PDE11A: variants seen among roughly 807,000 people sequenced by gnomAD.
PDE11A encodes phosphodiesterase 11A.
PDE11A carries 100 observed loss-of-function variants against 100.5 expected under a neutral mutation model. The ratio of observed to expected loss-of-function variants is 1.00; its 90% CI spans 0.85 to 1.18. PDE11A has a LOEUF of 1.18. Ranked by LOEUF, PDE11A falls within the 50% of genes most tolerant of loss-of-function variation. The pLI, the probability that PDE11A is intolerant of heterozygous loss-of-function variation, is 0.00. For synonymous variants in PDE11A, 381 were observed against 420.8 expected (o/e 0.91, Z 1.16); for missense variants, 1,141 against 1,152.6 (o/e 0.99, Z 0.15).
intron 19 of PDE11A, among the ~76,000 whole-genome samples, chr2:177,631,525 ATATATATATATATATATATATACACATG>A (rs1198922357): frequency 1.7e-4 from 3 of 17,252 alleles, no homozygotes; most frequent in Non-Finnish European, 3.9e-4. Flanking sequence ...ATATATATAT[ATATATATATATATATATATATACACATG>A]TATATATATA....
chr2:177,822,192 G>A (rs981082780), intron 6 of PDE11A, among the ~76,000 whole-genome samples: 1 of 151,758 alleles, frequency 6.6e-6, no homozygotes, highest in Non-Finnish European at 1.5e-5. Flanking sequence ...ATTCTTCTGT[G>A]CTTTTCCTAG....
intron 2 of PDE11A, among the ~76,000 whole-genome samples, chr2:177,989,365 A>G (rs1012574078): frequency 6.6e-6 from 1 of 152,214 alleles, no homozygotes; most frequent in Non-Finnish European, 1.5e-5. Context: ...TACTCTGCCC[A>G]GAGTCAAATC....
At chr2:177,875,382 T>A (rs1019865774) in intron 5 of PDE11A, among the ~76,000 whole-genome samples, 12 of 151,950 alleles carry the variant, frequency 7.9e-5, no homozygotes, top group Non-Finnish European at 1.3e-4. Flanking sequence ...TATTTATTTT[T>A]ATTTTATTTT....
chr2:178,105,534 T>C, intron 1 of PDE11A: 1 of 289,382 alleles, frequency 3.5e-6, no homozygotes, highest in Middle Eastern at 1.0e-3. Flanking sequence ...AAAGATATTT[T>C]GGTTGAGACT....
rs376739331 is a variant in PDE11A, at chr2:177,875,533, A to AGG, written c.1367+325_1367+326insCC. ...GCTGGGACCACAGGCACCCGCCACC[A>AGG]TGCCCGGCTAATTTTTTTTTGTATT... On this transcript the variant is annotated intron_variant, in intron 5 of 19. Coordinates refer to ENST00000286063, the MANE Select transcript of PDE11A (RefSeq NM_016953.4). Among the ~76,000 whole-genome samples, 386 of 151,296 alleles carry AGG rather than the reference A, an allele frequency of 2.6e-3. 14 individuals carry two copies. The East Asian group carries it at 0.072, about 28-fold the overall frequency.
intron 1 of PDE11A, among the ~76,000 whole-genome samples, chr2:178,021,541 A>C (rs2086411745): frequency 6.6e-6 from 1 of 152,226 alleles, no homozygotes; most frequent in East Asian, 1.9e-4. Context: ...TAGGAAAATA[A>C]TTAGATAAAG....
intron 9 of PDE11A, among the ~76,000 whole-genome samples, chr2:177,773,204 G>A (rs953887312): frequency 6.6e-6 from 1 of 151,972 alleles, no homozygotes; most frequent in Non-Finnish European, 1.5e-5. Context: ...TATAGAAACA[G>A]GGTTTCACTA....
chr2:178,046,426 G>A (rs1243963589), intron 1 of PDE11A, among the ~76,000 whole-genome samples: 1 of 152,176 alleles, frequency 6.6e-6, no homozygotes, highest in East Asian at 1.9e-4. Context: ...GATTGTCTAA[G>A]AAATTATAGA....
chr2:178,052,918 C>T (rs536834377), intron 1 of PDE11A, among the ~76,000 whole-genome samples: 16 of 152,272 alleles, frequency 1.1e-4, no homozygotes, highest in African/African-American at 2.9e-4. Context: ...GATTCACAGC[C>T]AAATTCTACC....
intron 17 of PDE11A, 38 bp from the exon 18 acceptor site, chr2:177,669,605 A>C (rs766780588): frequency 7.8e-6 from 7 of 895,022 alleles, no homozygotes; most frequent in African/African-American, 1.6e-5. Flanking sequence ...GATTATGTGT[A>C]GTTTATCACG....
intron 1 of PDE11A, among the ~76,000 whole-genome samples, chr2:178,022,777 A>C (rs2086429013): frequency 6.6e-6 from 1 of 152,240 alleles, no homozygotes; most frequent in South Asian, 2.1e-4. Flanking sequence ...CCTTGGGACA[A>C]AAGAACAAGA....
At chr2:178,025,856 C>T (rs1238153380) in intron 1 of PDE11A, among the ~76,000 whole-genome samples, 1 of 152,060 alleles carries the variant, frequency 6.6e-6, no homozygotes, top group African/African-American at 2.4e-5. Context: ...ACAGTGAGAC[C>T]ATCTAAGAAC....
At chr2:177,806,732 C>T (rs530192657) in intron 9 of PDE11A, among the ~76,000 whole-genome samples, 77 of 151,490 alleles carry the variant, frequency 5.1e-4, no homozygotes, top group African/African-American at 1.6e-3. Context: ...ACCAAGAATA[C>T]GAAATAACAA....
intron 2 of PDE11A, among the ~76,000 whole-genome samples, chr2:177,912,946 G>A (rs1559003747): frequency 6.6e-6 from 1 of 152,190 alleles, no homozygotes. Flanking sequence ...TAGATTAGTG[G>A]TTGCCTGGGT....
chr2:177,814,319 G>A (rs999127081), intron 9 of PDE11A, among the ~76,000 whole-genome samples: 10 of 151,650 alleles, frequency 6.6e-5, no homozygotes, highest in Admixed American at 4.6e-4. Flanking sequence ...TATAATATAC[G>A]TATATCTCAT....
chr2:177,793,730 C>T (rs1321134935), intron 9 of PDE11A, among the ~76,000 whole-genome samples: 1 of 152,098 alleles, frequency 6.6e-6, no homozygotes, highest in Non-Finnish European at 1.5e-5. Flanking sequence ...CTGCTTCCCT[C>T]TGCTTGTGAG....
chr2:177,950,957 T>G (rs2085498571), intron 2 of PDE11A, among the ~76,000 whole-genome samples: 1 of 152,144 alleles, frequency 6.6e-6, no homozygotes, highest in African/African-American at 2.4e-5. Context: ...TTGTTAAGTC[T>G]GTAGGGTAGG....
At chr2:177,636,136 A>C (rs1255456258) in intron 19 of PDE11A, among the ~76,000 whole-genome samples, 2 of 152,170 alleles carry the variant, frequency 1.3e-5, no homozygotes, top group Non-Finnish European at 2.9e-5. Flanking sequence ...GGATTTTTAT[A>C]ATAGCCATAC....
intron 10 of PDE11A, among the ~76,000 whole-genome samples, chr2:177,767,404 C>G (rs2082253739): frequency 6.6e-6 from 1 of 152,040 alleles, no homozygotes; most frequent in Non-Finnish European, 1.5e-5. Flanking sequence ...CATATCTAGT[C>G]ATATGAGTCA....
Sources: gnomAD v4.1 joint callset for allele counts (sites outside exome capture counted in the v4.1 genomes callset) on GRCh38, gnomAD v4.1.1 for gene constraint, MANE v1.5 for transcripts, NCBI Gene and HGNC (gene_info 2026-07-23, HGNC 2026-07-21) for gene names.